CNTNAP2: variants seen among roughly 807,000 people sequenced by gnomAD.
The protein encoded by CNTNAP2 is contactin-associated protein-like 2.
Under a neutral mutation model 155.2 loss-of-function variants are expected in CNTNAP2, and 98 were observed. The ratio of observed to expected loss-of-function variants is 0.63; its 90% confidence interval spans 0.54 to 0.75. The LOEUF is 0.75. CNTNAP2 is among the 30% of genes least tolerant of loss of function. The probability of loss-of-function intolerance (pLI) is 0.00; values close to 1 mark genes in which losing one functional copy is unlikely to be tolerated. For synonymous variants in CNTNAP2, 651 were observed against 631.2 expected (o/e 1.03, Z -0.47); for missense variants, 1,727 against 1,688.1 (o/e 1.02, Z -0.40).
At chr7:147,503,763 C>G (rs1478955756) in intron 11 of CNTNAP2, among the ~76,000 whole-genome samples, 1 of 150,464 alleles carries the variant, frequency 6.6e-6, no homozygotes, top group Non-Finnish European at 1.5e-5. Flanking sequence ...AATTTTTTTT[C>G]CAAGTGTTTT....
chr7:146,929,146 C>A (rs1563006341), intron 3 of CNTNAP2, among the ~76,000 whole-genome samples: 1 of 152,106 alleles, frequency 6.6e-6, no homozygotes, highest in Non-Finnish European at 1.5e-5. Flanking sequence ...CAAGTGGGTC[C>A]CTGACCCCTG....
intron 1 of CNTNAP2, among the ~76,000 whole-genome samples, chr7:146,764,467 G>T: frequency 7.3e-6 from 1 of 137,390 alleles, no homozygotes. Flanking sequence ...ATTATTTTGT[G>T]TTGTAGAGTT....
At chr7:147,615,708 T>A (rs890915579) in intron 12 of CNTNAP2, among the ~76,000 whole-genome samples, 1 of 152,156 alleles carries the variant, frequency 6.6e-6, no homozygotes, top group Non-Finnish European at 1.5e-5. Context: ...AAAATCGTTT[T>A]TTTTTCTTCC....
chr7:146,637,787 A>G (rs1317093621), intron 1 of CNTNAP2, among the ~76,000 whole-genome samples: 1 of 152,188 alleles, frequency 6.6e-6, no homozygotes, highest in Admixed American at 6.5e-5. Context: ...AGGCTATTGG[A>G]TTTGAAATGG....
intron 13 of CNTNAP2, among the ~76,000 whole-genome samples, chr7:147,652,846 G>A (rs1450926590): frequency 6.6e-6 from 1 of 152,042 alleles, no homozygotes; most frequent in Non-Finnish European, 1.5e-5. Flanking sequence ...ACATTAATAT[G>A]GGCTTCCAGC....
intron 15 of CNTNAP2, among the ~76,000 whole-genome samples, chr7:148,035,736 T>A (rs564254527): frequency 6.6e-6 from 1 of 152,248 alleles, no homozygotes; most frequent in East Asian, 1.9e-4. Context: ...CCCACAACCC[T>A]GACCCCAGAC....
At chr7:148,293,593 T>G (rs1797231162) in intron 21 of CNTNAP2, among the ~76,000 whole-genome samples, 1 of 152,234 alleles carries the variant, frequency 6.6e-6, no homozygotes. Context: ...ACTAGCAAGA[T>G]GGATGAGGAT....
chr7:146,343,134 T>G (rs1794760713), intron 1 of CNTNAP2, among the ~76,000 whole-genome samples: 1 of 152,312 alleles, frequency 6.6e-6, no homozygotes, highest in East Asian at 1.9e-4. Context: ...TCTTTCAATG[T>G]TAACTTTATT....
In CNTNAP2 at chr7:147,247,482, T is replaced by C. The variant is rs73156460; in HGVS notation, c.1349-52659T>C. 8.3e-4 allele frequency among the ~76,000 whole-genome samples: 126 copies of C among 152,342 alleles called. 1 individual carries two copies. Among genetic ancestry groups the C allele is most frequent in the Admixed American group, 4.8e-3 (74 of 15,306 alleles). ...TCTTATCTATGAGTTCTTTTCTCATTTGAAAACATCTTCTATGGATTTTCC... is the reference window on the plus strand; with the variant it reads ...TCTTATCTATGAGTTCTTTTCTCATCTGAAAACATCTTCTATGGATTTTCC... On this transcript the variant is annotated intron_variant, in intron 8 of 23. Transcript: ENST00000361727.
intron 1 of CNTNAP2, among the ~76,000 whole-genome samples, chr7:146,153,171 A>G (rs1398736348): frequency 1.3e-5 from 2 of 152,162 alleles, no homozygotes; most frequent in Non-Finnish European, 2.9e-5. Context: ...GCTTCATGGA[A>G]AATTGAACAT....
At chr7:148,304,810 T>G (rs1797459515) in intron 21 of CNTNAP2, among the ~76,000 whole-genome samples, 1 of 152,124 alleles carries the variant, frequency 6.6e-6, no homozygotes, top group Admixed American at 6.5e-5. Context: ...CCTCCTCCCC[T>G]CCATGTTTTT....
chr7:147,751,053 A>C (rs1455901895), intron 13 of CNTNAP2, among the ~76,000 whole-genome samples: 1 of 151,360 alleles, frequency 6.6e-6, no homozygotes, highest in Non-Finnish European at 1.5e-5. Flanking sequence ...AATAAAAAAT[A>C]AAAATAATAA....
Position 147,317,846 on chromosome 7 carries a change from CT to C in CNTNAP2, c.1498+17564del, listed in dbSNP as rs577949462. 9.8e-4 allele frequency among the ~76,000 whole-genome samples: 145 copies of C among 147,672 alleles called. 1 individual carries two copies. The highest frequency in any genetic ancestry group is 3.5e-3 in the African/African-American group (140 of 40,100). ...TGTGTGTGCGTGTATATATGTATCT[CT>C]TTTTTTTCCTTGGCTTCTCTTTTCC... On this transcript the variant is annotated intron_variant, in intron 9 of 23. Coordinates refer to ENST00000361727, the MANE Select transcript of CNTNAP2 (RefSeq NM_014141.6).
intron 1 of CNTNAP2, among the ~76,000 whole-genome samples, chr7:146,596,245 A>G (rs1435566363): frequency 6.6e-6 from 1 of 152,048 alleles, no homozygotes; most frequent in African/African-American, 2.4e-5. Context: ...ACTTGGTTAG[A>G]TAATTCTGCA....
chr7:147,758,569 C>T (rs1181816642), intron 13 of CNTNAP2, among the ~76,000 whole-genome samples: 1 of 152,136 alleles, frequency 6.6e-6, no homozygotes, highest in African/African-American at 2.4e-5. Flanking sequence ...TATGACTGGA[C>T]ATGGTGGCTC....
intron 13 of CNTNAP2, among the ~76,000 whole-genome samples, chr7:147,891,458 C>T (rs1264368696): frequency 6.6e-6 from 1 of 152,148 alleles, no homozygotes; most frequent in African/African-American, 2.4e-5. Context: ...CCGCCTCAGC[C>T]TCCCAAAGTG....
intron 14 of CNTNAP2, among the ~76,000 whole-genome samples, chr7:147,951,785 G>A (rs1255893854): frequency 6.6e-6 from 1 of 152,000 alleles, no homozygotes; most frequent in African/African-American, 2.4e-5. Flanking sequence ...AGAGGGCAAA[G>A]AGAGGAAGAG....
intron 1 of CNTNAP2, among the ~76,000 whole-genome samples, chr7:146,169,803 A>T (rs1372134671): frequency 2.0e-5 from 3 of 151,300 alleles, no homozygotes; most frequent in Non-Finnish European, 1.5e-5. Flanking sequence ...AGATTTCCTT[A>T]TCTTTTAAGG....
chr7:146,851,136 C>T (rs1794869868), intron 3 of CNTNAP2, among the ~76,000 whole-genome samples: 2 of 152,104 alleles, frequency 1.3e-5, no homozygotes, highest in Non-Finnish European at 2.9e-5. Context: ...AGGCACCTGC[C>T]ACCACACCCG....
Sources: gnomAD v4.1 joint callset for allele counts (sites outside exome capture counted in the v4.1 genomes callset) on GRCh38, gnomAD v4.1.1 for gene constraint, MANE v1.5 for transcripts, NCBI Gene and HGNC (gene_info 2026-07-23, HGNC 2026-07-21) for gene names.